GABRG3: variants seen among roughly 807,000 people sequenced by gnomAD.
GABRG3 encodes the protein gamma-aminobutyric acid receptor subunit gamma-3.
GABRG3 carries 25 observed loss-of-function variants against 48.8 expected under a neutral mutation model. The ratio of observed to expected loss-of-function variants is 0.51; its 90% confidence interval spans 0.37 to 0.72. The LOEUF (loss-of-function observed/expected upper bound fraction) is 0.72, where lower values mean the gene tolerates loss of function less well. Among genes scored for constraint, GABRG3 ranks in the 30% least tolerant of loss-of-function variants. GABRG3 has a pLI of 0.00. For synonymous variants in GABRG3, 227 were observed against 217.6 expected (o/e 1.04, Z -0.38); for missense variants, 394 against 577.9 (o/e 0.68, Z 3.26).
rs538128040 is a variant in GABRG3, at chr15:27,007,088, T to G, written c.203-19666T>G. ...TACATGTGCATGTGTCTTTTTTTTT[T>G]TTGTTTTTTGAGACAGGGTCTTGTT... On this transcript the variant is annotated intron_variant, in intron 2 of 9. Transcript: ENST00000615808. 1.3e-3 allele frequency among the ~76,000 whole-genome samples: 194 copies of G among 151,836 alleles called. 4 individuals are homozygous for G. Among genetic ancestry groups the G allele is most frequent in the South Asian group, 6.5e-3 (31 of 4,782 alleles).
intron 3 of GABRG3, among the ~76,000 whole-genome samples, chr15:27,269,527 C>T (rs1209761141): frequency 6.6e-6 from 1 of 152,152 alleles, no homozygotes; most frequent in Non-Finnish European, 1.5e-5. Context: ...TGTTCTCGCT[C>T]TTGTGTTTGC....
At chr15:27,473,292 T>C (rs968912027) in intron 5 of GABRG3, among the ~76,000 whole-genome samples, 1 of 152,164 alleles carries the variant, frequency 6.6e-6, no homozygotes, top group African/African-American at 2.4e-5. Context: ...GTTTCTTCTA[T>C]AGGACCCAAA....
chr15:27,475,522 G>T (rs1280503774), intron 5 of GABRG3, among the ~76,000 whole-genome samples: 1 of 152,006 alleles, frequency 6.6e-6, no homozygotes, highest in African/African-American at 2.4e-5. Flanking sequence ...GATGATGATG[G>T]TCATCATGAT....
intron 5 of GABRG3, among the ~76,000 whole-genome samples, chr15:27,421,018 T>C (rs970185173): frequency 1.3e-5 from 2 of 152,188 alleles, no homozygotes; most frequent in African/African-American, 4.8e-5. Flanking sequence ...TCTTAAATTT[T>C]GTGGAAAAGC....
intron 2 of GABRG3, among the ~76,000 whole-genome samples, chr15:26,999,061 G>T (rs1453979425): frequency 6.6e-6 from 1 of 150,526 alleles, no homozygotes; most frequent in African/African-American, 2.4e-5. Context: ...TTTTTGACCT[G>T]TCAGTTGGCC....
intron 5 of GABRG3, among the ~76,000 whole-genome samples, chr15:27,394,562 G>C (rs558232212): frequency 2.0e-5 from 3 of 151,924 alleles, no homozygotes; most frequent in Non-Finnish European, 4.4e-5. Context: ...TTGTTGTATG[G>C]CTTCTGATTA....
At chr15:26,999,437 T>G (rs1895403902) in intron 2 of GABRG3, among the ~76,000 whole-genome samples, 1 of 152,160 alleles carries the variant, frequency 6.6e-6, no homozygotes, top group Admixed American at 6.5e-5. Flanking sequence ...GTATTTCACC[T>G]GCATTGTTTC....
At chr15:26,990,561 C>G (rs891237557) in intron 2 of GABRG3, among the ~76,000 whole-genome samples, 5 of 152,120 alleles carry the variant, frequency 3.3e-5, no homozygotes, top group Non-Finnish European at 7.4e-5. Context: ...AATATTTTCT[C>G]CCATCTGTGA....
At chr15:27,288,684 G>C (rs1387596011) in intron 3 of GABRG3, among the ~76,000 whole-genome samples, 1 of 149,866 alleles carries the variant, frequency 6.7e-6, no homozygotes, top group African/African-American at 2.5e-5. Flanking sequence ...TTGCACTCCA[G>C]CCTGGGCAAC....
chr15:27,229,032 A>G (rs1006958380), intron 3 of GABRG3, among the ~76,000 whole-genome samples: 1 of 152,162 alleles, frequency 6.6e-6, no homozygotes, highest in East Asian at 1.9e-4. Context: ...TAATCTGTTA[A>G]TATTTCCTTT....
intron 3 of GABRG3, among the ~76,000 whole-genome samples, chr15:27,149,969 G>A (rs1898280464): frequency 6.6e-6 from 1 of 152,070 alleles, no homozygotes; most frequent in Non-Finnish European, 1.5e-5. Context: ...GTGTGATCTT[G>A]GGCAAGTAGG....
intron 5 of GABRG3, among the ~76,000 whole-genome samples, chr15:27,438,915 G>T (rs942713103): frequency 2.6e-5 from 4 of 152,174 alleles, no homozygotes; most frequent in African/African-American, 9.7e-5. Context: ...CTCTGACTCT[G>T]CTCTGCTCCG....
At chr15:27,143,536 G>C (rs999080352) in intron 3 of GABRG3, among the ~76,000 whole-genome samples, 3 of 152,162 alleles carry the variant, frequency 2.0e-5, no homozygotes, top group African/African-American at 4.8e-5. Context: ...TGCTAGCAGA[G>C]AAAAGCAAAT....
intron 3 of GABRG3, among the ~76,000 whole-genome samples, chr15:27,193,046 C>T (rs1305602616): frequency 3.3e-5 from 5 of 152,258 alleles, no homozygotes; most frequent in East Asian, 1.9e-4. Flanking sequence ...TCGTGAACCG[C>T]GAATGCTGCT....
intron 5 of GABRG3, among the ~76,000 whole-genome samples, chr15:27,332,427 G>A (rs1893833498): frequency 6.6e-6 from 1 of 152,100 alleles, no homozygotes; most frequent in African/African-American, 2.4e-5. Context: ...CCAGCTACTT[G>A]GGAGGCTGAG....
At chr15:27,250,115 C>T (rs889737882) in intron 3 of GABRG3, among the ~76,000 whole-genome samples, 4 of 152,106 alleles carry the variant, frequency 2.6e-5, no homozygotes, top group Non-Finnish European at 4.4e-5. Flanking sequence ...GGTGCTCTGT[C>T]GCCTCTGCTG....
chr15:27,160,739 T>C, intron 3 of GABRG3, among the ~76,000 whole-genome samples: 1 of 152,110 alleles, frequency 6.6e-6, no homozygotes, highest in East Asian at 1.9e-4. Context: ...TCTGTTTGTT[T>C]TGGAGTACAT....
chr15:27,040,285 C>T (rs918064057), intron 3 of GABRG3, among the ~76,000 whole-genome samples: 1 of 152,222 alleles, frequency 6.6e-6, no homozygotes, highest in Non-Finnish European at 1.5e-5. Flanking sequence ...CCTTGAGATG[C>T]AGCCAGGGTA....
intron 6 of GABRG3, among the ~76,000 whole-genome samples, chr15:27,499,041 G>A (rs76025925): frequency 0.033 from 5,026 of 152,204 alleles, 282 homozygotes; most frequent in African/African-American, 0.11. Context: ...ACTTTCTCAC[G>A]GAGCAGACCT....
Sources: gnomAD v4.1 joint callset for allele counts (sites outside exome capture counted in the v4.1 genomes callset) on GRCh38, gnomAD v4.1.1 for gene constraint, MANE v1.5 for transcripts, NCBI Gene and HGNC (gene_info 2026-07-23, HGNC 2026-07-21) for gene names.